PARD3: variants seen among roughly 807,000 people sequenced by gnomAD.
PARD3 encodes partitioning defective 3 homolog.
Under a neutral mutation model 155.4 loss-of-function variants are expected in PARD3, and 75 were observed. That is an observed-to-expected ratio of 0.48 (90% CI 0.40 to 0.58). The LOEUF is 0.58. PARD3 is among the 20% of genes least tolerant of loss of function. PARD3 has a pLI of 0.00. For missense variants in PARD3, 1,642 were observed against 1,721.7 expected (o/e 0.95, Z 0.82); for synonymous variants, 576 against 610.5 (o/e 0.94, Z 0.83).
At chr10:34,486,381 A>AT (rs556834764) in intron 3 of PARD3, among the ~76,000 whole-genome samples, 433 of 152,066 alleles carry the variant, frequency 2.8e-3, no homozygotes, top group Non-Finnish European at 5.0e-3. Flanking sequence ...TTAAAATTTT[A>AT]TTTTTTGTTT....
chr10:34,279,460 C>G (rs1203007161), intron 21 of PARD3, among the ~76,000 whole-genome samples: 4 of 152,002 alleles, frequency 2.6e-5, no homozygotes, highest in South Asian at 4.2e-4. Flanking sequence ...CTAAAGGATT[C>G]ACGAGGTCAA....
At chr10:34,395,003 T>G (rs1843181339) in intron 7 of PARD3, among the ~76,000 whole-genome samples, 1 of 151,570 alleles carries the variant, frequency 6.6e-6, no homozygotes. Context: ...TTCCTGAAAA[T>G]AGTGGCATTT....
chr10:34,719,171 G>C (rs936547474), intron 1 of PARD3, among the ~76,000 whole-genome samples: 7 of 152,018 alleles, frequency 4.6e-5, no homozygotes, highest in Non-Finnish European at 1.0e-4. Context: ...TTTTAGACCT[G>C]TCTGAAAAAA....
At chr10:34,410,561 G>T (rs1844943402) in intron 5 of PARD3, among the ~76,000 whole-genome samples, 1 of 152,008 alleles carries the variant, frequency 6.6e-6, no homozygotes, top group Non-Finnish European at 1.5e-5. Context: ...GTTTCAAATG[G>T]CATGATCATT....
chr10:34,787,985 T>C (rs1474061251), intron 1 of PARD3, among the ~76,000 whole-genome samples: 1 of 151,068 alleles, frequency 6.6e-6, no homozygotes, highest in East Asian at 2.0e-4. Context: ...GGTCTTGTTA[T>C]GCCATCCAGG....
chr10:34,390,953 A>T (rs1378530316), intron 7 of PARD3, among the ~76,000 whole-genome samples: 1 of 152,250 alleles, frequency 6.6e-6, no homozygotes, highest in African/African-American at 2.4e-5. Context: ...ACAAAATTAC[A>T]ATAGAGAATG....
intron 2 of PARD3, among the ~76,000 whole-genome samples, chr10:34,662,630 T>C (rs533784546): frequency 7.9e-5 from 12 of 152,294 alleles, no homozygotes; most frequent in African/African-American, 2.9e-4. Flanking sequence ...CCCAGCACTT[T>C]GGGAGGCAGA....
intron 2 of PARD3, among the ~76,000 whole-genome samples, chr10:34,519,909 TAA>T (rs11342193): frequency 2.1e-5 from 3 of 142,964 alleles, no homozygotes; most frequent in Non-Finnish European, 4.6e-5. Context: ...TCCCAAAGAG[TAA>T]AAAACTTCTA....
chr10:34,312,052 C>T (rs568008180), intron 20 of PARD3, among the ~76,000 whole-genome samples: 15 of 152,032 alleles, frequency 9.9e-5, no homozygotes, highest in Admixed American at 4.6e-4. Context: ...TTTCTGAATA[C>T]GCCAGCAGTG....
intron 22 of PARD3, among the ~76,000 whole-genome samples, chr10:34,147,666 A>T (rs1328349308): frequency 6.6e-6 from 1 of 151,936 alleles, no homozygotes; most frequent in Non-Finnish European, 1.5e-5. Flanking sequence ...TTTGGAAAAA[A>T]ATCCCAACTT....
chr10:34,553,017 T>C (rs1387533288), intron 2 of PARD3, among the ~76,000 whole-genome samples: 2 of 152,124 alleles, frequency 1.3e-5, no homozygotes, highest in Admixed American at 6.6e-5. Context: ...AAATGCCCTA[T>C]AAAATGATGC....
intron 7 of PARD3, among the ~76,000 whole-genome samples, chr10:34,389,330 G>A (rs1435797579): frequency 6.8e-6 from 1 of 146,938 alleles, no homozygotes; most frequent in East Asian, 2.0e-4. Flanking sequence ...ACATGATTTT[G>A]GATGCATAAT....
At chr10:34,521,920 G>A (rs1445835952) in intron 2 of PARD3, among the ~76,000 whole-genome samples, 1 of 152,142 alleles carries the variant, frequency 6.6e-6, no homozygotes, top group Admixed American at 6.5e-5. Flanking sequence ...TTTTTGGGTA[G>A]CTGTTGGTAA....
At chr10:34,579,184 C>T (rs1022571532) in intron 2 of PARD3, among the ~76,000 whole-genome samples, 2 of 151,810 alleles carry the variant, frequency 1.3e-5, no homozygotes, top group African/African-American at 4.8e-5. Context: ...GCAGGAGAAT[C>T]GCTTTAACCC....
intron 22 of PARD3, among the ~76,000 whole-genome samples, chr10:34,257,203 G>T (rs533767316): frequency 6.6e-6 from 1 of 152,294 alleles, no homozygotes; most frequent in Non-Finnish European, 1.5e-5. Context: ...TTTAGGGCTC[G>T]ATAAAGTCTC....
intron 5 of PARD3, among the ~76,000 whole-genome samples, chr10:34,430,418 G>A (rs16935400): frequency 0.027 from 4,167 of 152,226 alleles, 189 homozygotes; most frequent in African/African-American, 0.095. Context: ...ACTTCCTAAT[G>A]ATAGAATATG....
chr10:34,278,767 G>A (rs1228709309), intron 21 of PARD3, among the ~76,000 whole-genome samples: 1 of 152,100 alleles, frequency 6.6e-6, no homozygotes, highest in Non-Finnish European at 1.5e-5. Flanking sequence ...ACCCAGTCTC[G>A]AGTATGTCCT....
chr10:34,707,054 T>C (rs899183101), intron 1 of PARD3, among the ~76,000 whole-genome samples: 10 of 152,048 alleles, frequency 6.6e-5, no homozygotes, highest in African/African-American at 2.2e-4. Context: ...GAGACCAGCC[T>C]GGCCAACATG....
intron 15 of PARD3, among the ~76,000 whole-genome samples, chr10:34,343,054 T>A (rs984205649): frequency 1.3e-5 from 2 of 152,164 alleles, no homozygotes; most frequent in Non-Finnish European, 2.9e-5. Flanking sequence ...AATATTAGGA[T>A]AGAAACCTGT....
Sources: allele counts gnomAD v4.1 joint callset (sites outside exome capture counted in the v4.1 genomes callset), GRCh38; gene constraint gnomAD v4.1.1; transcripts MANE v1.5; gene names NCBI Gene and HGNC (gene_info 2026-07-23, HGNC 2026-07-21).